Variants in ITGB1 observed in about 807,000 individuals in gnomAD.
ITGB1 encodes integrin beta-1.
Under a neutral mutation model 86.5 loss-of-function variants are expected in ITGB1, and 24 were observed. That is an observed-to-expected ratio of 0.28 (90% CI 0.20 to 0.39). ITGB1 has a LOEUF of 0.39. Among genes scored for constraint, ITGB1 ranks in the 10% least tolerant of loss-of-function variants. ITGB1 has a pLI of 1.00. For synonymous variants in ITGB1, 323 were observed against 316.8 expected, an observed-to-expected ratio of 1.02 and a Z score of -0.21; for missense variants, 556 against 946.9, an observed-to-expected ratio of 0.59 and a Z score of 5.42.
intron 1 of ITGB1, among the ~76,000 whole-genome samples, chr10:32,939,621 C>A (rs917012705): frequency 6.6e-6 from 1 of 152,156 alleles, no homozygotes; most frequent in African/African-American, 2.4e-5. Context: ...AGAAAAACTA[C>A]ACAGTAAAAG....
At chr10:32,935,662 A>T (rs1433105542) in intron 1 of ITGB1, 104 bp from the exon 2 acceptor site, 3 of 798,462 alleles carry the variant, frequency 3.8e-6, no homozygotes, top group Non-Finnish European at 6.1e-6. Flanking sequence ...TTTTATAAAC[A>T]TGATGGCTCT....
intron 1 of ITGB1, among the ~76,000 whole-genome samples, chr10:32,937,935 C>G (rs902610688): frequency 3.9e-5 from 6 of 152,202 alleles, no homozygotes; most frequent in African/African-American, 1.4e-4. Flanking sequence ...GGATGCTATT[C>G]CCCTGGCTCA....
Position 32,925,851 on chromosome 10 carries a change from T to C in ITGB1, c.786+20A>G, listed in dbSNP as rs778826569. The C allele has an allele frequency of 2.9e-6, 4 of 1,362,186 alleles. No homozygotes were observed. Among genetic ancestry groups the C allele is most frequent in the East Asian group, 2.3e-5 (1 of 43,624 alleles). The allele number at this position is 1,362,186 out of a possible 1,614,324, so 84.4% of individuals were successfully genotyped here. A position where few individuals can be genotyped will look rare whatever the true frequency, so the allele number is the denominator to read the frequency against. On this transcript the variant is annotated intron_variant, in intron 6 of 15. Transcript: ENST00000302278. ...ACATAATAGAAACAATATCCCCTGA[T>C]AGGAAATGAATGCGCTTACTCCACA...
intron 14 of ITGB1, 81 bp from the exon 15 acceptor site, chr10:32,908,615 A>G: frequency 1.6e-6 from 2 of 1,212,472 alleles, no homozygotes; most frequent in Non-Finnish European, 2.4e-6. Context: ...TAAACACCCA[A>G]GAGAGTGAAC....
intron 1 of ITGB1, among the ~76,000 whole-genome samples, chr10:32,949,649 C>G (rs1260319782): frequency 2.0e-5 from 3 of 152,072 alleles, no homozygotes; most frequent in African/African-American, 7.2e-5. Context: ...TAAACACCAC[C>G]CACAAATAAT....
At chr10:32,956,298 G>A (rs111979506) in intron 1 of ITGB1, among the ~76,000 whole-genome samples, 230 of 152,022 alleles carry the variant, frequency 1.5e-3, no homozygotes, top group African/African-American at 5.3e-3. Context: ...TCTAAAATTG[G>A]TCTACTGTAT....
Position 32,923,044 on chromosome 10 carries a change from T to C in ITGB1, c.943-309A>G, listed in dbSNP as rs558686473. ...AATAAAAAATTCCATATTCAAAAGG[T>C]TTTAAATAGTAAGTTTATCTATGTA... is the stretch of plus-strand genomic sequence containing the variant. On this transcript the variant is annotated intron_variant, in intron 7 of 15. Coordinates refer to ENST00000302278, the MANE Select transcript of ITGB1 (RefSeq NM_002211.4). Among the ~76,000 whole-genome samples the C allele has an allele frequency of 1.6e-3, 239 of 152,294 alleles. 2 individuals are homozygous for C. The highest frequency in any genetic ancestry group is 4.2e-3 in the African/African-American group (176 of 41,562).
At chr10:32,953,099 C>T (rs187740717) in intron 1 of ITGB1, among the ~76,000 whole-genome samples, 17 of 152,290 alleles carry the variant, frequency 1.1e-4, no homozygotes, top group Non-Finnish European at 2.4e-4. Flanking sequence ...CCATGCTGTC[C>T]TTGAATGTGA....
intron 11 of ITGB1, among the ~76,000 whole-genome samples, chr10:32,919,012 A>G (rs149416042): frequency 2.6e-5 from 4 of 152,360 alleles, no homozygotes; most frequent in African/African-American, 9.6e-5. Context: ...AAGGCAAAGT[A>G]TTTTCAAGAT....
intron 11 of ITGB1, among the ~76,000 whole-genome samples, 155 bp downstream of exon 11, chr10:32,919,730 C>G (rs1001195655): frequency 6.6e-6 from 1 of 152,118 alleles, no homozygotes; most frequent in Admixed American, 6.5e-5. Flanking sequence ...ATATCACACA[C>G]AAGATCATCA....
At chr10:32,916,845 A>T (rs547058359) in intron 11 of ITGB1, among the ~76,000 whole-genome samples, 1 of 152,186 alleles carries the variant, frequency 6.6e-6, no homozygotes, top group Non-Finnish European at 1.5e-5. Context: ...AAACTACTTT[A>T]AAGTTCATAT....
chr10:32,910,037 G>A (rs957958412), intron 14 of ITGB1, among the ~76,000 whole-genome samples, 186 bp downstream of exon 14: 2 of 152,008 alleles, frequency 1.3e-5, no homozygotes, highest in Non-Finnish European at 1.5e-5. Flanking sequence ...ACTTAAAAGT[G>A]GAACTCTCTT....
intron 4 of ITGB1, among the ~76,000 whole-genome samples, chr10:32,928,834 A>G (rs1565826857): frequency 1.3e-5 from 2 of 151,918 alleles, no homozygotes; most frequent in African/African-American, 4.8e-5. Flanking sequence ...AGAGATGATG[A>G]AGGAGGAGAA....
intron 1 of ITGB1, among the ~76,000 whole-genome samples, chr10:32,948,346 T>C (rs1279454766): frequency 1.3e-5 from 2 of 152,032 alleles, no homozygotes; most frequent in African/African-American, 4.8e-5. Flanking sequence ...TTAGACAAAA[T>C]ACAAATGCTC....
chr10:32,901,662 T>TA, intron 15 of ITGB1, 27 bp from the exon 16 acceptor site: 1 of 1,433,348 alleles, frequency 7.0e-7, no homozygotes, highest in Non-Finnish European at 9.8e-7. Context: ...GTGAGAAAAA[T>TA]TATCAGTTAC....
chr10:32,919,634 G>A (rs2094942517), intron 11 of ITGB1, among the ~76,000 whole-genome samples: 1 of 152,062 alleles, frequency 6.6e-6, no homozygotes, highest in African/African-American at 2.4e-5. Context: ...ACAATTTGTT[G>A]AATATACTTC....
chr10:32,909,375 T>C (rs1468080617), intron 14 of ITGB1, among the ~76,000 whole-genome samples: 1 of 152,136 alleles, frequency 6.6e-6, no homozygotes, highest in South Asian at 2.1e-4. Context: ...CCAGAAACTA[T>C]AAAACTTCTA....
At position 32,911,917 on chromosome 10, in the gene ITGB1, G is replaced by T; in HGVS notation, c.1677C>A (p.Asn559Lys). ...AAATTAAGCCATTGGATCTATCACAGTTGAAATTATCACACTCGCAGAATT... is the reference window on the plus strand; with the variant it reads ...AAATTAAGCCATTGGATCTATCACATTTGAAATTATCACACTCGCAGAATT... ...SGKFCECDNF[N>K]CDRSNGLICG... Residue 559 changes from asparagine (N) to lysine (K), a missense_variant, in exon 12 of 16, where the codon AAC becomes AAA. Physicochemically the swap from Asn to Lys is moderately conservative, Grantham distance 94. This residue lies in a region of ITGB1 where 330 missense variants were observed against 531.5 expected (regional missense o/e 0.62). Transcript: ENST00000302278. 2 of 1,613,580 alleles carry T rather than the reference G, an allele frequency of 1.2e-6. No individual in the cohort carries two copies. Among genetic ancestry groups the T allele is most frequent in the Non-Finnish European group, 1.7e-6 (2 of 1,179,754 alleles).
intron 1 of ITGB1, among the ~76,000 whole-genome samples, chr10:32,939,031 C>A (rs190524582): frequency 1.3e-5 from 2 of 152,274 alleles, no homozygotes; most frequent in African/African-American, 2.4e-5. Flanking sequence ...GGAACAGGTG[C>A]CCAAGTCCTA....
Sources: gnomAD v4.1 joint callset for allele counts (sites outside exome capture counted in the v4.1 genomes callset) on GRCh38, gnomAD v4.1.1 for gene constraint, gnomAD v4.1.1 regional missense constraint, MANE v1.5 for transcripts, NCBI Gene and HGNC (gene_info 2026-07-23, HGNC 2026-07-21) for gene names.